The following LRMDA variants were observed in gnomAD, a reference collection of about 807,000 sequenced individuals.
The protein encoded by LRMDA is leucine-rich melanocyte differentiation-associated protein.
A neutral mutation model predicts 29.8 loss-of-function variants in LRMDA; 18 were observed. The observed-to-expected ratio is 0.60, with a 90% CI of 0.42 to 0.90. The LOEUF (loss-of-function observed/expected upper bound fraction) is 0.90. LRMDA is among the 40% of genes least tolerant of loss of function. The probability of loss-of-function intolerance (pLI) is 0.00; values close to 1 mark genes in which losing one functional copy is unlikely to be tolerated. For missense variants in LRMDA, 273 were observed against 273.9 expected (o/e 1.00, Z 0.02); for synonymous variants, 125 against 109.4 (o/e 1.14, Z -0.89).
intron 5 of LRMDA, among the ~76,000 whole-genome samples, chr10:76,231,512 T>C (rs1392275981): frequency 6.6e-6 from 1 of 152,186 alleles, no homozygotes. Flanking sequence ...TTTCCTTTCC[T>C]TTTATGAAAA....
intron 2 of LRMDA, among the ~76,000 whole-genome samples, chr10:75,977,607 A>T (rs7900000): frequency 0.029 from 4,356 of 152,308 alleles, 122 homozygotes; most frequent in South Asian, 0.069. Flanking sequence ...ATTAGAAAGT[A>T]GTGTTAATAG....
intron 6 of LRMDA, among the ~76,000 whole-genome samples, chr10:76,539,186 T>C (rs1380769012): frequency 6.6e-6 from 1 of 152,042 alleles, no homozygotes; most frequent in Non-Finnish European, 1.5e-5. Context: ...CTGTCTCTGA[T>C]AGAAACCCCA....
chr10:75,994,856 T>C (rs776806389), intron 2 of LRMDA, among the ~76,000 whole-genome samples: 12 of 152,232 alleles, frequency 7.9e-5, no homozygotes, highest in Non-Finnish European at 1.5e-4. Flanking sequence ...TCTGGCATTT[T>C]GACAGTACAA....
chr10:75,452,368 C>T (rs540981060), intron 2 of LRMDA, among the ~76,000 whole-genome samples: 3 of 152,250 alleles, frequency 2.0e-5, no homozygotes, highest in South Asian at 4.2e-4. Flanking sequence ...TTGCTGTTCA[C>T]GCCGCTAAGG....
At position 76,166,110 on chromosome 10, in the gene LRMDA, C is replaced by T. The variant is rs532134272; in HGVS notation, c.516+107327C>T. ...AAGGGGAAATTCCTGAGAGACTCCA[C>T]CCACTGATCATTTGTCCGATGTGAA... On this transcript the variant is annotated intron_variant, in intron 5 of 6. Transcript: ENST00000611255. Among the ~76,000 whole-genome samples, 101 of 152,246 alleles carry T rather than the reference C, an allele frequency of 6.6e-4. 2 individuals are homozygous for T. The South Asian group carries it at 0.015, about 22-fold the overall frequency.
chr10:76,283,415 A>T lies in LRMDA; in HGVS notation c.517-40986A>T, dbSNP rs144559346. 4.1e-3 allele frequency among the ~76,000 whole-genome samples: 627 copies of T among 152,322 alleles called. 3 individuals carry two copies. The highest frequency in any genetic ancestry group is 0.014 in the African/African-American group (568 of 41,578). ...TCCCACTGGGGAAGCATGAAGGAGC[A>T]TGAATGAGACAAGTGCTTGAGGGAC... On this transcript the variant is annotated intron_variant, in intron 5 of 6. Transcript: ENST00000611255.
intron 5 of LRMDA, among the ~76,000 whole-genome samples, chr10:76,140,626 T>C (rs1364400472): frequency 6.6e-6 from 1 of 152,110 alleles, no homozygotes; most frequent in Non-Finnish European, 1.5e-5. Flanking sequence ...TGAAAAGATC[T>C]TAGAAGCAGC....
At chr10:75,558,110 T>C (rs2132059585) in intron 2 of LRMDA, among the ~76,000 whole-genome samples, 1 of 151,008 alleles carries the variant, frequency 6.6e-6, no homozygotes, top group South Asian at 2.1e-4. Flanking sequence ...GGGAAATGTA[T>C]ACAACTTAGA....
At chr10:75,739,409 C>T (rs1842803464) in intron 2 of LRMDA, among the ~76,000 whole-genome samples, 1 of 152,152 alleles carries the variant, frequency 6.6e-6, no homozygotes, top group Non-Finnish European at 1.5e-5. Context: ...AATTCATATG[C>T]TGGGGAAAAT....
chr10:76,038,349 T>C (rs1246872361), intron 3 of LRMDA, among the ~76,000 whole-genome samples: 2 of 152,244 alleles, frequency 1.3e-5, no homozygotes, highest in East Asian at 3.8e-4. Flanking sequence ...GTTGAGTCCT[T>C]TCCCTATTCT....
At chr10:76,222,444 C>T (rs984597766) in intron 5 of LRMDA, among the ~76,000 whole-genome samples, 1 of 152,102 alleles carries the variant, frequency 6.6e-6, no homozygotes, top group African/African-American at 2.4e-5. Context: ...ACAACCCCAT[C>T]AAAAAGTGGG....
At position 76,257,052 on chromosome 10, in the gene LRMDA, A is replaced by C. The variant is rs118055811; in HGVS notation, c.517-67349A>C. On this transcript the variant is annotated intron_variant, in intron 5 of 6. Transcript: ENST00000611255. ...CTTGTTTTTAATATTTAAAACAATA[A>C]AATAAAATACAAACCATGAAGTGTA... Among the ~76,000 whole-genome samples the C allele has an allele frequency of 2.7e-3, 417 of 152,316 alleles. 21 individuals are homozygous for C. The East Asian group carries it at 0.062, about 23-fold the overall frequency.
chr10:76,253,771 A>T (rs564606871), intron 5 of LRMDA, among the ~76,000 whole-genome samples: 1 of 152,290 alleles, frequency 6.6e-6, no homozygotes, highest in East Asian at 1.9e-4. Context: ...TTCCATGAGC[A>T]GATCTATAAG....
chr10:75,785,679 G>A (rs765276455), intron 2 of LRMDA, among the ~76,000 whole-genome samples: 5 of 152,106 alleles, frequency 3.3e-5, no homozygotes, highest in African/African-American at 7.2e-5. Context: ...GATTAATTTC[G>A]GGTAATGAAG....
intron 2 of LRMDA, among the ~76,000 whole-genome samples, chr10:76,035,665 T>G (rs1381301973): frequency 6.6e-6 from 1 of 152,198 alleles, no homozygotes; most frequent in African/African-American, 2.4e-5. Context: ...GAATGGAGGT[T>G]AGGGTCAGCC....
chr10:76,291,797 G>GT (rs1840344346), intron 5 of LRMDA, among the ~76,000 whole-genome samples: 1 of 151,702 alleles, frequency 6.6e-6, no homozygotes, highest in South Asian at 2.1e-4. Flanking sequence ...CTACTTTTTA[G>GT]TTTTCTATCT....
At chr10:75,695,518 C>G (rs1313603242) in intron 2 of LRMDA, among the ~76,000 whole-genome samples, 1 of 151,950 alleles carries the variant, frequency 6.6e-6, no homozygotes, top group East Asian at 1.9e-4. Flanking sequence ...TTCCTCTTTC[C>G]TTTCTGACAA....
chr10:75,509,730 C>T (rs1041844179), intron 2 of LRMDA, among the ~76,000 whole-genome samples: 1 of 152,218 alleles, frequency 6.6e-6, no homozygotes, highest in Non-Finnish European at 1.5e-5. Flanking sequence ...TCAGGAGACA[C>T]TGGGAAGTCA....
At chr10:76,051,693 A>C (rs1404754652) in intron 4 of LRMDA, among the ~76,000 whole-genome samples, 1 of 152,224 alleles carries the variant, frequency 6.6e-6, no homozygotes, top group Non-Finnish European at 1.5e-5. Context: ...CATTTGAAAG[A>C]GGCTTAGACA....
Sources: allele counts gnomAD v4.1 joint callset (sites outside exome capture counted in the v4.1 genomes callset), GRCh38; gene constraint gnomAD v4.1.1; transcripts MANE v1.5; gene names NCBI Gene and HGNC (gene_info 2026-07-23, HGNC 2026-07-21).